Variants in ADAMTSL1 observed in about 807,000 individuals in gnomAD.
ADAMTSL1 encodes the protein ADAMTS-like protein 1.
A neutral mutation model predicts 201.8 loss-of-function variants in ADAMTSL1; 126 were observed. The ratio of observed to expected loss-of-function variants is 0.62; its 90% confidence interval spans 0.54 to 0.72. ADAMTSL1 has a LOEUF of 0.72. ADAMTSL1 is among the 30% of genes least tolerant of loss of function. The pLI is 0.00. For synonymous variants in ADAMTSL1, 1,121 were observed against 903.4 expected (o/e 1.24, Z -4.32); for missense variants, 2,679 against 2,277.8 (o/e 1.18, Z -3.59).
At chr9:18,897,495 C>G (rs550738575) in intron 26 of ADAMTSL1, among the ~76,000 whole-genome samples, 20 of 152,342 alleles carry the variant, frequency 1.3e-4, no homozygotes, top group Non-Finnish European at 2.4e-4. Context: ...CCACCTGGGA[C>G]AGAGCTCCTA....
chr9:18,566,145 T>C (rs1587585305), intron 3 of ADAMTSL1, among the ~76,000 whole-genome samples: 1 of 152,112 alleles, frequency 6.6e-6, no homozygotes, highest in Non-Finnish European at 1.5e-5. Context: ...TTCTCGTAAA[T>C]TTTTTTTGAA....
chr9:18,439,287 T>G (rs2133445509), intron 2 of ADAMTSL1, among the ~76,000 whole-genome samples: 1 of 152,366 alleles, frequency 6.6e-6, no homozygotes, highest in East Asian at 1.9e-4. Flanking sequence ...ACACTGAATT[T>G]GCTCATTGTT....
At chr9:18,031,689 A>G (rs1164870054) in intron 1 of ADAMTSL1, among the ~76,000 whole-genome samples, 2 of 152,090 alleles carry the variant, frequency 1.3e-5, no homozygotes, top group Non-Finnish European at 2.9e-5. Flanking sequence ...GCCTTTTCCA[A>G]TCGTTGGCAT....
At chr9:18,029,553 T>G (rs1328670986) in intron 1 of ADAMTSL1, among the ~76,000 whole-genome samples, 1 of 152,102 alleles carries the variant, frequency 6.6e-6, no homozygotes, top group African/African-American at 2.4e-5. Context: ...AAATGGGATC[T>G]CATTAAACTA....
chr9:18,062,674 A>T (rs2131704245), intron 1 of ADAMTSL1, among the ~76,000 whole-genome samples: 1 of 152,314 alleles, frequency 6.6e-6, no homozygotes, highest in South Asian at 2.1e-4. Flanking sequence ...ATTACACAAG[A>T]TTCTAAAAAT....
chr9:18,621,277 C>G (rs1290089516), intron 4 of ADAMTSL1, among the ~76,000 whole-genome samples: 1 of 152,102 alleles, frequency 6.6e-6, no homozygotes, highest in Non-Finnish European at 1.5e-5. Flanking sequence ...ACACAAATGG[C>G]ATTGCCCACA....
intron 1 of ADAMTSL1, among the ~76,000 whole-genome samples, chr9:18,061,451 C>A: frequency 6.6e-6 from 1 of 152,180 alleles, no homozygotes; most frequent in African/African-American, 2.4e-5. Context: ...CTCTATGTCA[C>A]AAAATTGATG....
intron 3 of ADAMTSL1, among the ~76,000 whole-genome samples, chr9:18,542,913 G>A (rs1368306689): frequency 6.6e-6 from 1 of 152,178 alleles, no homozygotes; most frequent in Non-Finnish European, 1.5e-5. Flanking sequence ...GTTTTGCCAA[G>A]TGACAAGTTC....
At chr9:18,599,358 G>C (rs142159675) in intron 4 of ADAMTSL1, among the ~76,000 whole-genome samples, 1 of 152,336 alleles carries the variant, frequency 6.6e-6, no homozygotes, top group East Asian at 1.9e-4. Flanking sequence ...CTTTCTGAAG[G>C]TGTGCCTTGG....
At chr9:18,175,733 G>A (rs1828116917) in intron 2 of ADAMTSL1, among the ~76,000 whole-genome samples, 1 of 151,950 alleles carries the variant, frequency 6.6e-6, no homozygotes. Context: ...TCTCATTCTG[G>A]TCCTCAGGGT....
In ADAMTSL1 at chr9:18,543,346, C is replaced by CTT. The variant is rs34284261; in HGVS notation, c.237+10063_237+10064dup. The stretch of plus-strand genomic sequence containing the variant: ...CTAATTTCTCTGATTTGACCCACAG[C>CTT]TTTTTTTTTTAATGCTAAAATTAGA... On this transcript the variant is annotated intron_variant, in intron 3 of 28. Transcript: ENST00000380548. Among the ~76,000 whole-genome samples the CTT allele has an allele frequency of 4.8e-4, 71 of 149,190 alleles. 1 individual carries two copies. In the East Asian group the frequency reaches 0.011, roughly 23 times the overall value.
chr9:18,620,108 C>T (rs922010440), intron 4 of ADAMTSL1, among the ~76,000 whole-genome samples: 2 of 149,234 alleles, frequency 1.3e-5, no homozygotes, highest in Non-Finnish European at 3.0e-5. Context: ...CATGGTGAAC[C>T]TCATGTGACA....
At chr9:18,018,141 C>T (rs981264435) in intron 1 of ADAMTSL1, among the ~76,000 whole-genome samples, 1 of 151,932 alleles carries the variant, frequency 6.6e-6, no homozygotes, top group Admixed American at 6.6e-5. Context: ...CACTCAAAAG[C>T]CTAAAGTATT....
At chr9:18,311,712 T>A (rs1325354633) in intron 2 of ADAMTSL1, among the ~76,000 whole-genome samples, 1 of 152,208 alleles carries the variant, frequency 6.6e-6, no homozygotes, top group Admixed American at 6.5e-5. Flanking sequence ...GCCCTGAATG[T>A]GTCATATTGA....
intron 23 of ADAMTSL1, among the ~76,000 whole-genome samples, chr9:18,831,342 G>A (rs7858859): frequency 0.49 from 74,738 of 151,950 alleles, 18,689 homozygotes; most frequent in African/African-American, 0.57. Flanking sequence ...TGAAATGTGC[G>A]TTGTGAACTT....
intron 2 of ADAMTSL1, among the ~76,000 whole-genome samples, chr9:18,316,332 G>A (rs7847134): frequency 0.024 from 3,654 of 152,096 alleles, 139 homozygotes; most frequent in African/African-American, 0.084. Flanking sequence ...TATTAGGTGG[G>A]AATTTCCTCT....
intron 3 of ADAMTSL1, among the ~76,000 whole-genome samples, chr9:18,561,834 T>G (rs1326693701): frequency 6.6e-6 from 1 of 152,206 alleles, no homozygotes; most frequent in African/African-American, 2.4e-5. Context: ...TCTCAGAGAC[T>G]AGGATTGTAC....
intron 1 of ADAMTSL1, among the ~76,000 whole-genome samples, chr9:18,109,801 G>A (rs1824924199): frequency 6.6e-6 from 1 of 152,162 alleles, no homozygotes; most frequent in Non-Finnish European, 1.5e-5. Context: ...ACAGTTGCCT[G>A]CAGTCCTCTG....
chr9:17,984,982 G>T (rs1818863573), intron 1 of ADAMTSL1, among the ~76,000 whole-genome samples: 1 of 152,110 alleles, frequency 6.6e-6, no homozygotes, highest in Non-Finnish European at 1.5e-5. Flanking sequence ...TGTTTGAGCA[G>T]ATAGCTTTGT....
Sources: allele counts gnomAD v4.1 joint callset (sites outside exome capture counted in the v4.1 genomes callset), GRCh38; gene constraint gnomAD v4.1.1; transcripts MANE v1.5; gene names NCBI Gene and HGNC (gene_info 2026-07-23, HGNC 2026-07-21).